Variants in FHIP2A observed in about 807,000 individuals in gnomAD.
The protein encoded by FHIP2A is FHF complex subunit HOOK interacting protein 2A.
A neutral mutation model predicts 93.5 loss-of-function variants in FHIP2A; 46 were observed. The ratio of observed to expected loss-of-function variants is 0.49; its 90% CI spans 0.39 to 0.63. FHIP2A has a LOEUF of 0.63. FHIP2A is among the 20% of genes least tolerant of loss of function. The pLI, the probability that FHIP2A is intolerant of heterozygous loss-of-function variation, is 0.00. For synonymous variants in FHIP2A, 332 were observed against 326.5 expected (o/e 1.02, Z -0.18); for missense variants, 769 against 909.7 (o/e 0.85, Z 1.99).
At chr10:114,899,654 A>G (rs933995615) in exon 17 of FHIP2A, 2 of 614,186 alleles carry the variant, frequency 3.3e-6, no homozygotes, top group African/African-American at 3.8e-5. Flanking sequence ...TGATTGGCAG[A>G]CCTGAATCAC....
chr10:114,899,295 A>G (rs1248059736), intron 16 of FHIP2A, among the ~76,000 whole-genome samples: 1 of 152,260 alleles, frequency 6.6e-6, no homozygotes, highest in African/African-American at 2.4e-5. Flanking sequence ...TTAAAATATT[A>G]GTAAAAACTT....
chr10:114,827,069 A>C (rs1000039000), intron 1 of FHIP2A, among the ~76,000 whole-genome samples: 1 of 152,220 alleles, frequency 6.6e-6, no homozygotes, highest in African/African-American at 2.4e-5. Flanking sequence ...GGCTTTTAGA[A>C]CACTAGTTTT....
chr10:114,889,572 C>A (rs1210526112), intron 16 of FHIP2A, among the ~76,000 whole-genome samples: 1 of 152,216 alleles, frequency 6.6e-6, no homozygotes, highest in African/African-American at 2.4e-5. Flanking sequence ...TCATTATGGC[C>A]TCCTGGCTTC....
At chr10:114,897,904 A>C (rs1041676662) in intron 16 of FHIP2A, among the ~76,000 whole-genome samples, 4 of 152,210 alleles carry the variant, frequency 2.6e-5, no homozygotes, top group African/African-American at 9.6e-5. Context: ...ACTCTATCTC[A>C]AAAACAAACA....
At chr10:114,882,507 C>T (rs999846062) in intron 16 of FHIP2A, among the ~76,000 whole-genome samples, 1 of 152,148 alleles carries the variant, frequency 6.6e-6, no homozygotes, top group Non-Finnish European at 1.5e-5. Context: ...GTTTGAAAGG[C>T]AGATTTTGTT....
chr10:114,881,756 A>T (rs185174372), intron 16 of FHIP2A, among the ~76,000 whole-genome samples: 1 of 152,262 alleles, frequency 6.6e-6, no homozygotes, highest in Non-Finnish European at 1.5e-5. Context: ...CTAGCTCAGG[A>T]GTTCTCCCCA....
At chr10:114,837,176 T>C (rs1463881239) in intron 5 of FHIP2A, among the ~76,000 whole-genome samples, 6 of 152,254 alleles carry the variant, frequency 3.9e-5, no homozygotes, top group African/African-American at 1.4e-4. Flanking sequence ...AGTTCTGGTA[T>C]TATAGGTGTG....
chr10:114,826,705 G>T (rs1310284573), intron 1 of FHIP2A, among the ~76,000 whole-genome samples: 1 of 152,136 alleles, frequency 6.6e-6, no homozygotes, highest in Non-Finnish European at 1.5e-5. Context: ...AAAAAATCTG[G>T]GAGTGGCATC....
At position 114,838,691 on chromosome 10, in the gene FHIP2A, G is replaced by A. The variant is rs556455993; in HGVS notation, c.522+2445G>A. 1.4e-4 allele frequency among the ~76,000 whole-genome samples: 22 copies of A among 152,260 alleles called. No homozygotes were observed. The East Asian group carries it at 2.7e-3, about 19-fold the overall frequency. Reference sequence around the variant, plus strand: ...AATTTCTGAAACTTGTTTTCTAAGTGCATAGCATAGATCAGAAGCAGACGA... The same window carrying A: ...AATTTCTGAAACTTGTTTTCTAAGTACATAGCATAGATCAGAAGCAGACGA... On this transcript the variant is annotated intron_variant, in intron 5 of 16. Coordinates refer to ENST00000369248, the MANE Select transcript of FHIP2A (RefSeq NM_020940.4).
chr10:114,859,266 T>C (rs1417120327), intron 14 of FHIP2A, among the ~76,000 whole-genome samples: 5 of 151,904 alleles, frequency 3.3e-5, no homozygotes, highest in African/African-American at 9.7e-5. Flanking sequence ...TAACAAAACA[T>C]GTTCATCGTA....
At chr10:114,884,569 C>T (rs2083932309) in intron 16 of FHIP2A, among the ~76,000 whole-genome samples, 1 of 152,170 alleles carries the variant, frequency 6.6e-6, no homozygotes, top group Admixed American at 6.5e-5. Flanking sequence ...AACGTTGCCC[C>T]CATCCTTCCC....
chr10:114,864,505 T>TA lies in FHIP2A; in HGVS notation c.*2968dup. ...TGTTTACATTAAACAGGATATTTGGTAAATTTTTTTGTATTGAAAGTTGTG... is the reference window on the plus strand; with the variant it reads ...TGTTTACATTAAACAGGATATTTGGTAAAATTTTTTTGTATTGAAAGTTGTG... On this transcript the variant is annotated 3_prime_UTR_variant, in exon 17 of 17. Transcript: ENST00000369248. 1.0e-6 allele frequency: 1 copy of TA among 985,808 alleles called. No individual in the cohort carries two copies. Among genetic ancestry groups the TA allele is most frequent in the Non-Finnish European group, 1.2e-6 (1 of 829,902 alleles). The allele number at this position is 985,808 out of a possible 1,614,324, so 61.1% of individuals were successfully genotyped here.
At chr10:114,883,154 A>C (rs1158390153) in intron 16 of FHIP2A, among the ~76,000 whole-genome samples, 1 of 152,174 alleles carries the variant, frequency 6.6e-6, no homozygotes, top group Non-Finnish European at 1.5e-5. Context: ...ATTTTGGATC[A>C]TTTTGTGACA....
In FHIP2A at chr10:114,855,302, A is replaced by G; in HGVS notation, c.1909A>G (p.Lys637Glu). 1.2e-6 allele frequency: 2 copies of G among 1,614,028 alleles called. No individual in the cohort carries two copies. Among genetic ancestry groups the G allele is most frequent in the South Asian group, 2.2e-5 (2 of 91,082 alleles). ...TGCTTTCTTTGAAGGTCATTTTTTG[A>G]AAGTGCTGTTCGACAGAATGGGAAG... is the stretch of plus-strand genomic sequence containing the variant. ...EAAFFEGHFL[K>E]VLFDRMGRIL... Residue 637 changes from lysine (K) to glutamate (E), a missense_variant, in exon 14 of 17, where the codon AAA becomes GAA. Transcript: ENST00000369248.
intron 14 of FHIP2A, among the ~76,000 whole-genome samples, chr10:114,858,904 GTGA>G (rs1181235915): frequency 6.6e-6 from 1 of 152,056 alleles, no homozygotes; most frequent in East Asian, 1.9e-4. Context: ...AATGCTGGAG[GTGA>G]TGGATGTCCC....
chr10:114,855,776 GA>G (rs1342541914), intron 14 of FHIP2A, among the ~76,000 whole-genome samples: 3 of 152,164 alleles, frequency 2.0e-5, no homozygotes, highest in African/African-American at 7.2e-5. Context: ...TGGCTCTTTA[GA>G]CAAAGCTTGT....
chr10:114,886,422 GA>G (rs553182351), intron 16 of FHIP2A, among the ~76,000 whole-genome samples: 15 of 148,684 alleles, frequency 1.0e-4, no homozygotes, highest in Admixed American at 8.0e-4. Flanking sequence ...TTCTCTGAAA[GA>G]AAAAAAAACA....
In FHIP2A at chr10:114,843,724, A is replaced by T; in HGVS notation, c.817-17A>T. 6.8e-7 allele frequency: 1 copy of T among 1,465,320 alleles called. No individual in the cohort carries two copies. Among genetic ancestry groups the T allele is most frequent in the South Asian group, 1.5e-5 (1 of 66,858 alleles). 90.8% of individuals were successfully genotyped at this position (1,465,320 alleles called of 1,614,324 possible). A position where few individuals can be genotyped will look rare whatever the true frequency, so the allele number is the denominator to read the frequency against. On this transcript the variant is annotated splice_polypyrimidine_tract_variant and intron_variant, in intron 6 of 16. Transcript: ENST00000369248. ...TATACAATTCAAGAATTGAAGGGGG[A>T]TTTTTTTTTCCTTTAGGATGGCAGA...
At chr10:114,873,934 G>C (rs1204725294) in intron 16 of FHIP2A, among the ~76,000 whole-genome samples, 2 of 139,750 alleles carry the variant, frequency 1.4e-5, no homozygotes, top group Non-Finnish European at 3.1e-5. Context: ...GAGTTATTTA[G>C]GAATATTCAG....
Sources: gnomAD v4.1 joint callset for allele counts (sites outside exome capture counted in the v4.1 genomes callset) on GRCh38, gnomAD v4.1.1 for gene constraint, MANE v1.5 for transcripts, NCBI Gene and HGNC (gene_info 2026-07-23, HGNC 2026-07-21) for gene names.